Variants in PLEC observed in about 807,000 individuals in gnomAD.
PLEC encodes hemidesmosomal protein 1.
Under a neutral mutation model 392.8 loss-of-function variants are expected in PLEC, and 216 were observed. That is an observed-to-expected ratio of 0.55 (90% CI 0.49 to 0.62). The LOEUF (loss-of-function observed/expected upper bound fraction) is 0.62. PLEC is among the 20% of genes least tolerant of loss of function. The probability of loss-of-function intolerance (pLI) is 0.00; values close to 1 mark genes in which losing one functional copy is unlikely to be tolerated. For missense variants in PLEC, 6,863 were observed against 6,563.4 expected (o/e 1.05, Z -1.58); for synonymous variants, 3,621 against 2,980.6 (o/e 1.21, Z -7.00).
At chr8:143,959,164 C>A (rs1486179397) in intron 1 of PLEC, among the ~76,000 whole-genome samples, 1 of 152,184 alleles carries the variant, frequency 6.6e-6, no homozygotes, top group Non-Finnish European at 1.5e-5. Context: ...AGCTCTCGGT[C>A]CAGCGCCAGG....
Position 143,920,825 on chromosome 8 carries a change from T to C in PLEC, c.8996A>G (p.Gln2999Arg). The C allele has an allele frequency of 6.2e-7, 1 of 1,608,690 alleles. No individual in the cohort carries two copies. Among genetic ancestry groups the C allele is most frequent in the Non-Finnish European group, 8.5e-7 (1 of 1,179,932 alleles). Residue 2999 changes from glutamine (Q) to arginine (R), a missense_variant, in exon 32 of 32, where the codon CAG (glutamine) becomes CGG (arginine). Gln to Arg is a conservative substitution (Grantham distance 43, BLOSUM62 1). Transcript: ENST00000345136. ...CACAGAGCGCTCACCTCGCTGCAGC[T>C]GCTGGTAGAGCTCGCGGTCGATGAC... ...SRVIDRELYQ[Q>R]LQRGERSVRD...
chr8:143,924,059 T>C lies in PLEC; in HGVS notation c.5870A>G (p.Asp1957Gly), dbSNP rs1554695536. The change falls in exon 31 of 32, where the codon GAC becomes GGC. Residue 1957 changes from aspartate (D) to glycine (G), a missense_variant. Asp to Gly is a moderately conservative substitution (Grantham distance 94). Coordinates refer to ENST00000345136, the MANE Select transcript of PLEC (RefSeq NM_201384.3). ...GGCCTGCTCCTTGCTGCGCAGCGTG[T>C]CCTCCGCGTTGCTGCGGATGCGTCC... The part of the protein sequence containing the change: ...ELGRIRSNAE[D>G]TLRSKEQAEL... 1 of 1,597,274 alleles carries C rather than the reference T, an allele frequency of 6.3e-7. No individual in the cohort carries two copies. The highest frequency in any genetic ancestry group is 8.5e-7 in the Non-Finnish European group (1 of 1,178,818).
At chr8:143,954,649 G>C (rs1832491693), upstream of PLEC, among the ~76,000 whole-genome samples, 1 of 152,232 alleles carries the variant, frequency 6.6e-6, no homozygotes, top group South Asian at 2.1e-4. This position sits in a 1 kb window ranked among gnomAD's most constrained non-coding sequence, Gnocchi z 4.6. Flanking sequence ...GAGTAGCTGT[G>C]TGTCACTGCG....
Position 143,921,830 on chromosome 8 carries a change from A to G in PLEC, c.7991T>C (p.Leu2664Pro). Reference sequence around the variant, plus strand: ...CAACCGCTGCAGCTCCTCCGCACTCAGGATGCCGGCCTCCTGCAGCCTCTG... The same window carrying G: ...CAACCGCTGCAGCTCCTCCGCACTCGGGATGCCGGCCTCCTGCAGCCTCTG... ...SAQRLQEAGI[L>P]SAEELQRLAQ... The change falls in exon 32 of 32, where the codon CTG becomes CCG. Residue 2664 changes from leucine (L) to proline (P), a missense_variant. Leu to Pro is a moderately conservative substitution (Grantham distance 98). Coordinates refer to ENST00000345136, the MANE Select transcript of PLEC (RefSeq NM_201384.3). 6.2e-7 allele frequency: 1 copy of G among 1,606,890 alleles called. No individual in the cohort carries two copies. Among genetic ancestry groups the G allele is most frequent in the Non-Finnish European group, 8.5e-7 (1 of 1,179,732 alleles).
In PLEC at chr8:143,973,498, C is replaced by A; in HGVS notation, c.-26G>T. 1 of 1,483,298 alleles carries A rather than the reference C, an allele frequency of 6.7e-7. No homozygotes were observed. Among genetic ancestry groups the A allele is most frequent in the South Asian group, 1.3e-5 (1 of 78,348 alleles). 91.9% of individuals were successfully genotyped at this position (1,483,298 alleles called of 1,614,324 possible). ...GCCGGCGGGCGCGGGGCGCGGGGTGCAGCGGAGCCTCCAGCACCCGGCGGC... is the reference window on the plus strand; with the variant it reads ...GCCGGCGGGCGCGGGGCGCGGGGTGAAGCGGAGCCTCCAGCACCCGGCGGC... On this transcript the variant is annotated 5_prime_UTR_variant, in exon 1 of 32. Transcript: ENST00000356346. This position sits in a 1 kb window ranked among gnomAD's most constrained non-coding sequence, Gnocchi z 5.6.
At position 143,919,484 on chromosome 8, in the gene PLEC, G is replaced by A. The variant is rs781812503; in HGVS notation, c.10337C>T (p.Ser3446Phe). 1 of 1,613,214 alleles carries A rather than the reference G, an allele frequency of 6.2e-7. No homozygotes were observed. ...GCCCTTCTGCATGGCCTGGAAGAGG[G>A]AGATGGTGCTGCCCGAGTAGGGGTC... is the stretch of plus-strand genomic sequence containing the variant. ...YRDPYSGSTI[S>F]LFQAMQKGLV... Residue 3446 changes from serine (S) to phenylalanine (F), a missense_variant, in exon 32 of 32, where the codon TCC becomes TTC. Transcript: ENST00000345136.
upstream of PLEC, chr8:143,953,811 C>A (rs374582687): frequency 6.2e-7 from 1 of 1,610,334 alleles, no homozygotes; most frequent in Non-Finnish European, 8.5e-7. Flanking sequence ...CACCACCAGG[C>A]AGAGTCCAGC....
rs781883102 is a variant in PLEC, at chr8:143,919,415, A to C, written c.10406T>G (p.Ile3469Ser). 6 of 1,613,362 alleles carry C rather than the reference A, an allele frequency of 3.7e-6. No individual in the cohort carries two copies. The Admixed American group carries it at 1.0e-4, about 27-fold the overall frequency. Residue 3469 changes from isoleucine to serine, a missense_variant, in exon 32 of 32, where the codon ATC (isoleucine) becomes AGC (serine). Transcript: ENST00000345136. ...QHGIRLLEAQ[I>S]ATGGIIDPVH... ...GGGGTCGATGATGCCGCCCGTGGCG[A>C]TCTGGGCCTCCAGCAGGCGGATGCC... is the stretch of plus-strand genomic sequence containing the variant.
chr8:143,942,414 G>C, upstream of PLEC: 1 of 1,607,260 alleles, frequency 6.2e-7, no homozygotes, highest in Non-Finnish European at 8.5e-7. Flanking sequence ...GCTGCTGGTA[G>C]AGGTAGCCCC....
rs782357507 is a variant in PLEC at position 143,923,498 on chromosome 8, T to C, written c.6431A>G (p.Gln2144Arg). The part of the protein sequence containing the change: ...AAEKLRKEAE[Q>R]EAARRAQAEQ... Reference sequence around the variant, plus strand: ...CGCCTGTGCCCGCCGCGCCGCCTCTTGCTCGGCCTCCTTGCGCAGCTTCTC... The same window carrying C: ...CGCCTGTGCCCGCCGCGCCGCCTCTCGCTCGGCCTCCTTGCGCAGCTTCTC... The change falls in exon 31 of 32, where the codon CAA (glutamine) becomes CGA (arginine). Residue 2144 changes from glutamine to arginine, a missense_variant. Transcript: ENST00000345136. 7 of 1,598,236 alleles carry C rather than the reference T, an allele frequency of 4.4e-6. 1 individual carries two copies. In the South Asian group the frequency reaches 7.7e-5, roughly 18 times the overall value.
rs782114678 is a variant in PLEC, at chr8:143,916,420, G to A, written c.13401C>T (p.Ala4467=). 145 of 1,611,488 alleles carry A rather than the reference G, an allele frequency of 9.0e-5. No homozygotes were observed. The highest frequency in any genetic ancestry group is 1.1e-4 in the Non-Finnish European group (133 of 1,179,432). The change falls in exon 32 of 32, where the codon GCC becomes GCT. Residue 4467 remains alanine (A), a synonymous_variant. Transcript: ENST00000345136. ...EGTGLRLLEA[A]AQSTKGYYSP... is the part of the protein sequence containing the mutation. ...TGTAGTAGCCCTTGGTGGACTGCGCGGCAGCCTCCAGCAGCCGCAGCCCCG... is the reference window on the plus strand; with the variant it reads ...TGTAGTAGCCCTTGGTGGACTGCGCAGCAGCCTCCAGCAGCCGCAGCCCCG...
chr8:143,950,952 C>G (rs1258726094), upstream of PLEC: 1 of 759,268 alleles, frequency 1.3e-6, no homozygotes, highest in Non-Finnish European at 2.0e-6. Flanking sequence ...TCCTCCAGGA[C>G]GCCGGGCCGG....
At chr8:143,934,229 C>G (rs1828292007) in intron 11 of PLEC, 89 bp downstream of exon 11, 2 of 1,602,074 alleles carry the variant, frequency 1.2e-6, no homozygotes, top group Non-Finnish European at 1.7e-6. Context: ...TGGGTTCCCC[C>G]GCCGGGGGCG....
chr8:143,916,021 GGACAGCA>G lies in PLEC; in HGVS notation c.*149_*155del. ...CTGTCCCCCAAGATACAGGCTGTCTGGACAGCAGATATATATTAATATATTAGTCTGG... is the reference window on the plus strand; with the variant it reads ...CTGTCCCCCAAGATACAGGCTGTCTGGATATATATTAATATATTAGTCTGG... On this transcript the variant is annotated 3_prime_UTR_variant, in exon 32 of 32. Transcript: ENST00000345136. 1 of 560,988 alleles carries G rather than the reference GGACAGCA, an allele frequency of 1.8e-6. No homozygotes were observed. The highest frequency in any genetic ancestry group is 2.4e-5 in the South Asian group (1 of 41,536). 34.8% of individuals were successfully genotyped at this position (560,988 alleles called of 1,614,324 possible).
At chr8:143,937,822 G>C in intron 3 of PLEC, 2 of 556,534 alleles carry the variant, frequency 3.6e-6, no homozygotes, top group South Asian at 3.1e-5. Flanking sequence ...AAAGGGCAGA[G>C]GTCAAGGTTC....
At chr8:143,933,372 C>T in intron 12 of PLEC, 21 bp from the exon 13 acceptor site, 2 of 1,606,294 alleles carry the variant, frequency 1.2e-6, no homozygotes, top group South Asian at 2.2e-5. Flanking sequence ...GTTGCCATGA[C>T]TCGGAGCACA....
intron 1 of PLEC, among the ~76,000 whole-genome samples, chr8:143,963,417 G>A (rs1407864642): frequency 2.6e-5 from 4 of 152,208 alleles, no homozygotes; most frequent in South Asian, 2.1e-4. Context: ...GAAACCCCAC[G>A]GAATTTGCCC....
At position 143,916,013 on chromosome 8, in the gene PLEC, G is replaced by A; in HGVS notation, c.*164C>T. On this transcript the variant is annotated 3_prime_UTR_variant, in exon 32 of 32. Transcript: ENST00000345136. ...GGCCAGCCCTGTCCCCCAAGATACA[G>A]GCTGTCTGGACAGCAGATATATATT... The A allele has an allele frequency of 1.9e-6, 1 of 539,858 alleles. No individual in the cohort carries two copies. Among genetic ancestry groups the A allele is most frequent in the South Asian group, 2.6e-5 (1 of 38,952 alleles). The allele number at this position is 539,858 out of a possible 1,614,324, so 33.4% of individuals were successfully genotyped here.
At chr8:143,974,314 G>A (rs1833581381), upstream of PLEC, among the ~76,000 whole-genome samples, 1 of 152,274 alleles carries the variant, frequency 6.6e-6, no homozygotes. This position sits in a 1 kb window ranked among gnomAD's most constrained non-coding sequence, Gnocchi z 5.9. Flanking sequence ...CTGTAAAGGT[G>A]ATGCTGAAGA....
Sources: gnomAD v4.1 joint callset for allele counts (sites outside exome capture counted in the v4.1 genomes callset) on GRCh38, gnomAD v4.1.1 for gene constraint, Gnocchi (gnomAD v3.1) non-coding constraint, MANE v1.5 for transcripts, NCBI Gene and HGNC (gene_info 2026-07-23, HGNC 2026-07-21) for gene names.